Variants in LCORL observed in about 807,000 individuals in gnomAD.
LCORL encodes ligand-dependent nuclear receptor corepressor-like protein.
LCORL carries 41 observed loss-of-function variants against 141.8 expected under a neutral mutation model. The observed-to-expected ratio is 0.29, with a 90% CI of 0.23 to 0.38. The LOEUF is 0.38. Among genes scored for constraint, LCORL ranks in the 10% least tolerant of loss-of-function variants. The pLI is 1.00. For missense variants in LCORL, 1,759 were observed against 2,035.0 expected (o/e 0.86, Z 2.61); for synonymous variants, 618 against 694.1 (o/e 0.89, Z 1.72).
At chr4:17,936,926 A>T (rs1736959465) in intron 4 of LCORL, among the ~76,000 whole-genome samples, 1 of 152,226 alleles carries the variant, frequency 6.6e-6, no homozygotes, top group South Asian at 2.1e-4. Flanking sequence ...ATAAAGTTGA[A>T]CAAATATGTA....
At chr4:17,876,899 T>C in exon 7 of LCORL, 1 of 1,230,844 alleles carries the variant, frequency 8.1e-7, no homozygotes, top group Non-Finnish European at 1.0e-6. Context: ...GTGACTGTAA[T>C]GCATAATTTG....
At chr4:18,014,195 G>C (rs1003123726) in intron 1 of LCORL, among the ~76,000 whole-genome samples, 2 of 152,052 alleles carry the variant, frequency 1.3e-5, no homozygotes, top group African/African-American at 4.8e-5. Flanking sequence ...GATAAAAAAG[G>C]ACAAAAGTCT....
chr4:17,937,697 A>C (rs1030461508), intron 4 of LCORL, among the ~76,000 whole-genome samples: 1 of 152,126 alleles, frequency 6.6e-6, no homozygotes, highest in African/African-American at 2.4e-5. Context: ...TGCCCCCATA[A>C]CTAAGAGGTA....
At chr4:17,858,888 A>G (rs1724669958) in intron 7 of LCORL, among the ~76,000 whole-genome samples, 1 of 152,230 alleles carries the variant, frequency 6.6e-6, no homozygotes, top group Admixed American at 6.5e-5. Flanking sequence ...ATAACCAGTG[A>G]TAAAGAGAAA....
At chr4:17,878,799 G>T (rs1487328213) in intron 6 of LCORL, among the ~76,000 whole-genome samples, 1 of 151,222 alleles carries the variant, frequency 6.6e-6, no homozygotes, top group East Asian at 1.9e-4. Flanking sequence ...TTTAATTGAT[G>T]TTAAATACTA....
intron 4 of LCORL, among the ~76,000 whole-genome samples, chr4:17,947,121 C>A (rs1739007195): frequency 6.6e-6 from 1 of 151,842 alleles, no homozygotes; most frequent in Admixed American, 6.6e-5. Context: ...AGTGTCCAGC[C>A]GCAGATGAAT....
At chr4:17,853,756 T>C (rs190708398) in intron 7 of LCORL, among the ~76,000 whole-genome samples, 98 of 152,214 alleles carry the variant, frequency 6.4e-4, no homozygotes, top group Non-Finnish European at 9.6e-4. Context: ...GTCCTGCAAA[T>C]TGATGTCTCC....
At chr4:17,864,542 A>T (rs1050510238) in intron 7 of LCORL, among the ~76,000 whole-genome samples, 1 of 152,252 alleles carries the variant, frequency 6.6e-6, no homozygotes, top group African/African-American at 2.4e-5. Flanking sequence ...GATTAAAAAA[A>T]TAATAAAACA....
chr4:17,940,044 T>C (rs1168987584), intron 4 of LCORL, among the ~76,000 whole-genome samples: 4 of 149,090 alleles, frequency 2.7e-5, no homozygotes, highest in African/African-American at 9.8e-5. Flanking sequence ...TGCATATATA[T>C]ACACACTATA....
intron 7 of LCORL, among the ~76,000 whole-genome samples, chr4:17,864,212 C>A (rs1335024050): frequency 3.3e-5 from 5 of 152,166 alleles, no homozygotes; most frequent in African/African-American, 1.2e-4. Context: ...ATGATGTATA[C>A]TATAAACCCT....
At chr4:17,972,763 T>C (rs1716226277) in intron 2 of LCORL, 57 bp downstream of exon 2, 2 of 803,428 alleles carry the variant, frequency 2.5e-6, no homozygotes, top group Non-Finnish European at 3.6e-6. Context: ...ACAACAATTT[T>C]TCATTTGTTA....
At chr4:18,013,741 A>T (rs1416885633) in intron 1 of LCORL, among the ~76,000 whole-genome samples, 1 of 152,216 alleles carries the variant, frequency 6.6e-6, no homozygotes, top group Non-Finnish European at 1.5e-5. Context: ...AGAATTGGCC[A>T]ATTTGAATTA....
Position 17,860,102 on chromosome 4 carries a change from G to C in LCORL, c.5602+13286C>G, listed in dbSNP as rs117643357. Among the ~76,000 whole-genome samples the C allele has an allele frequency of 3.5e-3, 537 of 152,268 alleles. 12 individuals carry two copies. The East Asian group carries it at 0.054, about 15-fold the overall frequency. ...TAGAGATTCAATGCTATTCCTATCAGACTGCCAATGACATTCATATGGAAC... is the reference window on the plus strand; with the variant it reads ...TAGAGATTCAATGCTATTCCTATCACACTGCCAATGACATTCATATGGAAC... On this transcript the variant is annotated intron_variant, in intron 7 of 7. Coordinates refer to ENST00000635767, the Ensembl canonical transcript of LCORL.
intron 4 of LCORL, among the ~76,000 whole-genome samples, chr4:17,917,823 G>C (rs1733688628): frequency 6.6e-6 from 1 of 152,152 alleles, no homozygotes. Context: ...ATCAAGGAAT[G>C]TCTATTAAAG....
intron 7 of LCORL, among the ~76,000 whole-genome samples, chr4:17,870,564 C>A (rs1383140941): frequency 6.6e-6 from 1 of 152,122 alleles, no homozygotes; most frequent in Non-Finnish European, 1.5e-5. Flanking sequence ...TTTTTCTATC[C>A]TTCATGACAT....
At chr4:17,906,667 G>A (rs1731671481) in intron 5 of LCORL, among the ~76,000 whole-genome samples, 1 of 150,410 alleles carries the variant, frequency 6.6e-6, no homozygotes, top group Non-Finnish European at 1.5e-5. Context: ...TCTAAGGACT[G>A]GAAATTTACT....
intron 4 of LCORL, among the ~76,000 whole-genome samples, chr4:17,943,100 G>A (rs184447370): frequency 7.2e-5 from 11 of 152,286 alleles, no homozygotes; most frequent in East Asian, 3.9e-4. Context: ...TGCCAAAAAC[G>A]TTGGGGACTG....
chr4:17,878,099 C>T, exon 7 of LCORL: 1 of 1,230,554 alleles, frequency 8.1e-7, no homozygotes, highest in Non-Finnish European at 1.0e-6. Context: ...GAAATTTCAA[C>T]ATAGCCAAAA....
intron 1 of LCORL, among the ~76,000 whole-genome samples, chr4:17,977,943 T>C (rs1298529166): frequency 6.6e-6 from 1 of 152,062 alleles, no homozygotes; most frequent in Admixed American, 6.6e-5. Context: ...ATGACTGATC[T>C]TTTTTTTGTT....
Sources: gnomAD v4.1 joint callset for allele counts (sites outside exome capture counted in the v4.1 genomes callset) on GRCh38, gnomAD v4.1.1 for gene constraint, MANE v1.5 for transcripts, NCBI Gene and HGNC (gene_info 2026-07-23, HGNC 2026-07-21) for gene names.